Variants in PLA2G12A observed in about 807,000 individuals in gnomAD.
PLA2G12A encodes group XIIA secretory phospholipase A2.
Under a neutral mutation model 16.0 loss-of-function variants are expected in PLA2G12A, and 11 were observed. The ratio of observed to expected loss-of-function variants is 0.69; its 90% confidence interval spans 0.43 to 1.13. PLA2G12A has a LOEUF of 1.13. PLA2G12A is among the 50% of genes most tolerant of loss of function. The pLI is 0.00. For missense variants in PLA2G12A, 214 were observed against 237.3 expected, an observed-to-expected ratio of 0.90 and a Z score of 0.65; for synonymous variants, 77 against 93.8, an observed-to-expected ratio of 0.82 and a Z score of 1.03.
rs1730743487 is a variant in PLA2G12A at position 109,712,095 on chromosome 4, G to C, written c.*2282C>G. ...ACGACTAATTCAGTGTGGTATCCTAGATTGGATCCTGGAAAAGAAAAATGA... is the reference window on the plus strand; with the variant it reads ...ACGACTAATTCAGTGTGGTATCCTACATTGGATCCTGGAAAAGAAAAATGA... On this transcript the variant is annotated 3_prime_UTR_variant, in exon 4 of 4. Transcript: ENST00000243501. 1 of 152,238 alleles carries C rather than the reference G, an allele frequency of 6.6e-6. No individual in the cohort carries two copies. Among genetic ancestry groups the C allele is most frequent in the Admixed American group, 6.5e-5 (1 of 15,282 alleles). The allele number at this position is 152,238 out of a possible 1,614,324, so 9.4% of individuals were successfully genotyped here.
At chr4:109,727,794 T>G (rs573908124) in intron 1 of PLA2G12A, among the ~76,000 whole-genome samples, 1 of 152,110 alleles carries the variant, frequency 6.6e-6, no homozygotes, top group Non-Finnish European at 1.5e-5. Context: ...AGGGAGACCT[T>G]GCCTCAAAAA....
intron 3 of PLA2G12A, among the ~76,000 whole-genome samples, chr4:109,717,080 T>C (rs761978690): frequency 2.2e-4 from 33 of 152,216 alleles, no homozygotes; most frequent in Non-Finnish European, 4.3e-4. Flanking sequence ...TGCTACGAAC[T>C]AGAAAATGAG....
At chr4:109,715,151 C>T (rs1249397208) in intron 3 of PLA2G12A, among the ~76,000 whole-genome samples, 1 of 152,112 alleles carries the variant, frequency 6.6e-6, no homozygotes, top group Non-Finnish European at 1.5e-5. Context: ...TTTAAAATAG[C>T]ACTGATTAAT....
Position 109,714,100 on chromosome 4 carries a change from C to T in PLA2G12A, c.*277G>A, listed in dbSNP as rs914998345. On this transcript the variant is annotated 3_prime_UTR_variant, in exon 4 of 4. Transcript: ENST00000243501. ...ATATTCCTCTTTTCAAAATTCTCCG[C>T]TAAACAAGCACTTGTTTTTGATATT... 5 of 320,974 alleles carry T rather than the reference C, an allele frequency of 1.6e-5. No individual in the cohort carries two copies. The highest frequency in any genetic ancestry group is 2.3e-5 in the Non-Finnish European group (4 of 173,128). 19.9% of individuals were successfully genotyped at this position (320,974 alleles called of 1,614,324 possible). A position where few individuals can be genotyped will look rare whatever the true frequency, so the allele number is the denominator to read the frequency against.
At chr4:109,724,189 G>C (rs1561273186) in intron 1 of PLA2G12A, among the ~76,000 whole-genome samples, 3 of 152,164 alleles carry the variant, frequency 2.0e-5, no homozygotes. Flanking sequence ...GCAATGGCAT[G>C]ATCTCAGCTC....
At chr4:109,722,686 C>G (rs758229786) in intron 1 of PLA2G12A, among the ~76,000 whole-genome samples, 11 of 152,212 alleles carry the variant, frequency 7.2e-5, no homozygotes, top group Non-Finnish European at 1.2e-4. Context: ...GTTACAGCAG[C>G]CTGAACAGAC....
chr4:109,728,805 C>G (rs1232509254), intron 1 of PLA2G12A, among the ~76,000 whole-genome samples: 1 of 152,212 alleles, frequency 6.6e-6, no homozygotes. Context: ...GATCTCCCAA[C>G]TGCTCTCTTA....
intron 1 of PLA2G12A, among the ~76,000 whole-genome samples, chr4:109,721,817 T>G (rs1730950243): frequency 6.6e-6 from 1 of 152,110 alleles, no homozygotes; most frequent in Non-Finnish European, 1.5e-5. Context: ...ATGTCAGACA[T>G]TTTTGCTTAT....
At position 109,712,965 on chromosome 4, in the gene PLA2G12A, T is replaced by G. The variant is rs1730761747; in HGVS notation, c.*1412A>C. The G allele has an allele frequency of 1.3e-5, 2 of 152,178 alleles. No individual in the cohort carries two copies. The highest frequency in any genetic ancestry group is 4.8e-5 in the African/African-American group (2 of 41,438). 9.4% of individuals were successfully genotyped at this position (152,178 alleles called of 1,614,324 possible). A position where few individuals can be genotyped will look rare whatever the true frequency, so the allele number is the denominator to read the frequency against. ...CTGGAACAGCTGCCACCAATTCAAGTTGGAAGATACTAGGTTCCCGGCAAT... is the reference window on the plus strand; with the variant it reads ...CTGGAACAGCTGCCACCAATTCAAGGTGGAAGATACTAGGTTCCCGGCAAT... On this transcript the variant is annotated 3_prime_UTR_variant, in exon 4 of 4. Transcript: ENST00000243501.
At chr4:109,726,105 T>C (rs1722929370) in intron 1 of PLA2G12A, among the ~76,000 whole-genome samples, 1 of 152,134 alleles carries the variant, frequency 6.6e-6, no homozygotes, top group East Asian at 1.9e-4. Context: ...TCATATCCTC[T>C]ACCTGTGTTC....
At chr4:109,728,918 T>A (rs1449809521) in intron 1 of PLA2G12A, among the ~76,000 whole-genome samples, 2 of 152,252 alleles carry the variant, frequency 1.3e-5, no homozygotes, top group Non-Finnish European at 2.9e-5. Context: ...CCTGAAATAC[T>A]GAGTTGATTA....
chr4:109,720,815 T>G (rs560742775), intron 1 of PLA2G12A, among the ~76,000 whole-genome samples: 1 of 151,950 alleles, frequency 6.6e-6, no homozygotes. Flanking sequence ...ACACCTGTAA[T>G]CCCAGCACTT....
In PLA2G12A at chr4:109,729,869, G is replaced by C. The variant is rs899627511; in HGVS notation, c.-60C>G. On this transcript the variant is annotated 5_prime_UTR_variant, in exon 1 of 4. Transcript: ENST00000243501. Reference sequence around the variant, plus strand: ...GCGGCGCGGGGCGCGTCCCCACAGAGTCCCCAGGACGCGCTAGGCAGCGGC... The same window carrying C: ...GCGGCGCGGGGCGCGTCCCCACAGACTCCCCAGGACGCGCTAGGCAGCGGC... 12 of 1,460,416 alleles carry C rather than the reference G, an allele frequency of 8.2e-6. No homozygotes were observed. In the African/African-American group the frequency reaches 1.1e-4, roughly 14 times the overall value. The allele number at this position is 1,460,416 out of a possible 1,614,324, so 90.5% of individuals were successfully genotyped here.
intron 1 of PLA2G12A, among the ~76,000 whole-genome samples, chr4:109,719,104 G>A (rs1384190766): frequency 6.6e-6 from 1 of 152,152 alleles, no homozygotes; most frequent in Non-Finnish European, 1.5e-5. Flanking sequence ...GGGTTCATAT[G>A]TATGAAAGAT....
chr4:109,713,251 T>C lies in PLA2G12A; in HGVS notation c.*1126A>G, dbSNP rs970767340. The C allele has an allele frequency of 3.3e-5, 5 of 152,180 alleles. No homozygotes were observed. The highest frequency in any genetic ancestry group is 1.9e-4 in the East Asian group (1 of 5,190). 9.4% of individuals were successfully genotyped at this position (152,180 alleles called of 1,614,324 possible). A position where few individuals can be genotyped will look rare whatever the true frequency, so the allele number is the denominator to read the frequency against. Reference sequence around the variant, plus strand: ...GAACATAACTGAGCATTCCAAGAGATTGAAAAGTTTTCAACATTCATAGAC... The same window carrying C: ...GAACATAACTGAGCATTCCAAGAGACTGAAAAGTTTTCAACATTCATAGAC... On this transcript the variant is annotated 3_prime_UTR_variant, in exon 4 of 4. Coordinates refer to ENST00000243501, the MANE Select transcript of PLA2G12A (RefSeq NM_030821.5).
At position 109,714,507 on chromosome 4, in the gene PLA2G12A, G is replaced by A; in HGVS notation, c.452-12C>T. Reference sequence around the variant, plus strand: ...TGTTGTTTCACATGCTGCAAAACAAGAAAATGGGATTACTGTTGGGCAACT... The same window carrying A: ...TGTTGTTTCACATGCTGCAAAACAAAAAAATGGGATTACTGTTGGGCAACT... On this transcript the variant is annotated splice_polypyrimidine_tract_variant and intron_variant, in intron 3 of 3. Coordinates refer to ENST00000243501, the MANE Select transcript of PLA2G12A (RefSeq NM_030821.5). 1 of 1,565,194 alleles carries A rather than the reference G, an allele frequency of 6.4e-7. No homozygotes were observed. The highest frequency in any genetic ancestry group is 8.8e-7 in the Non-Finnish European group (1 of 1,135,514).
At chr4:109,718,561 G>T (rs555608671) in intron 2 of PLA2G12A, 122 bp downstream of exon 2, 76 of 703,984 alleles carry the variant, frequency 1.1e-4, no homozygotes, top group Non-Finnish European at 1.7e-4. Context: ...TAATAAACCT[G>T]ATCACTCTTA....
In PLA2G12A at chr4:109,717,397, C is replaced by A. The variant is rs1354051966; in HGVS notation, c.451+151G>T. The A allele has an allele frequency of 4.9e-6, 4 of 809,134 alleles. No individual in the cohort carries two copies. In the African/African-American group the frequency reaches 6.9e-5, roughly 14 times the overall value. The allele number at this position is 809,134 out of a possible 1,614,324, so 50.1% of individuals were successfully genotyped here. A position where few individuals can be genotyped will look rare whatever the true frequency, so the allele number is the denominator to read the frequency against. On this transcript the variant is annotated intron_variant, in intron 3 of 3. Coordinates refer to ENST00000243501, the MANE Select transcript of PLA2G12A (RefSeq NM_030821.5). ...TATAAATCATTTTAGATTATAAAATCATCAGCTCCTCACCTCAGAAAATTG... is the reference window on the plus strand; with the variant it reads ...TATAAATCATTTTAGATTATAAAATAATCAGCTCCTCACCTCAGAAAATTG...
In PLA2G12A at chr4:109,713,542, T is replaced by C. The variant is rs1730772171; in HGVS notation, c.*835A>G. On this transcript the variant is annotated 3_prime_UTR_variant, in exon 4 of 4. Transcript: ENST00000243501. The stretch of plus-strand genomic sequence containing the variant: ...AGCATAACAGCAAATAGTGCCTTGA[T>C]ATATTAGGTTAAATATCTTTTCATT... The C allele has an allele frequency of 6.6e-6, 1 of 152,366 alleles. No homozygotes were observed. Among genetic ancestry groups the C allele is most frequent in the Non-Finnish European group, 1.5e-5 (1 of 68,030 alleles). 9.4% of individuals were successfully genotyped at this position (152,366 alleles called of 1,614,324 possible). A position where few individuals can be genotyped will look rare whatever the true frequency, so the allele number is the denominator to read the frequency against.
Sources: gnomAD v4.1 joint callset for allele counts (sites outside exome capture counted in the v4.1 genomes callset) on GRCh38, gnomAD v4.1.1 for gene constraint, MANE v1.5 for transcripts, NCBI Gene and HGNC (gene_info 2026-07-23, HGNC 2026-07-21) for gene names.